Variants in MYO3B observed in about 807,000 individuals in gnomAD.
The protein encoded by MYO3B is myosin IIIB.
Under a neutral mutation model 174.6 loss-of-function variants are expected in MYO3B, and 156 were observed. The ratio of observed to expected loss-of-function variants is 0.89; its 90% CI spans 0.78 to 1.02. The LOEUF is 1.02. Among genes scored for constraint, MYO3B ranks in the 50% least tolerant of loss-of-function variants. MYO3B has a pLI of 0.00. For missense variants in MYO3B, 1,632 were observed against 1,639.4 expected (o/e 1.00, Z 0.08); for synonymous variants, 563 against 569.1 (o/e 0.99, Z 0.15).
At chr2:170,279,591 T>A (rs187198688) in intron 7 of MYO3B, among the ~76,000 whole-genome samples, 1 of 152,148 alleles carries the variant, frequency 6.6e-6, no homozygotes, top group Admixed American at 6.6e-5. Context: ...CCAATAGTTA[T>A]CTTTTCTGCT....
intron 7 of MYO3B, among the ~76,000 whole-genome samples, chr2:170,263,816 A>G (rs2093362648): frequency 6.6e-6 from 1 of 151,994 alleles, no homozygotes; most frequent in Admixed American, 6.6e-5. Flanking sequence ...AACTGCAAAG[A>G]GGCCTTCCTC....
At chr2:170,518,027 T>C (rs1688433577) in intron 29 of MYO3B, among the ~76,000 whole-genome samples, 1 of 151,950 alleles carries the variant, frequency 6.6e-6, no homozygotes, top group Admixed American at 6.6e-5. Flanking sequence ...TAATAAAAAT[T>C]GTATTAATGT....
intron 22 of MYO3B, among the ~76,000 whole-genome samples, chr2:170,417,804 A>T (rs1478398959): frequency 6.6e-6 from 1 of 152,238 alleles, no homozygotes; most frequent in Non-Finnish European, 1.5e-5. Flanking sequence ...CTACTCCAGT[A>T]TGACCTCATC....
In MYO3B at chr2:170,629,673, A is replaced by G. The variant is rs1218707789; in HGVS notation, c.3734-21955A>G. ...AAGACCAGCCTGGGCAACATGGTGA[A>G]ACTCCATCTCTACTAAAATACAAAA... On this transcript the variant is annotated intron_variant, in intron 32 of 34. Transcript: ENST00000408978. 5.3e-5 allele frequency among the ~76,000 whole-genome samples: 8 copies of G among 152,206 alleles called. No homozygotes were observed. The East Asian group carries it at 1.4e-3, about 26-fold the overall frequency.
chr2:170,469,152 G>A (rs923689416), intron 25 of MYO3B, among the ~76,000 whole-genome samples: 3 of 152,098 alleles, frequency 2.0e-5, no homozygotes, highest in African/African-American at 7.2e-5. Context: ...ATAAAGAATA[G>A]GGCTGAGTCT....
intron 7 of MYO3B, among the ~76,000 whole-genome samples, chr2:170,306,499 T>G (rs1026272470): frequency 5.9e-5 from 9 of 152,194 alleles, no homozygotes; most frequent in African/African-American, 1.9e-4. Flanking sequence ...TGAGTGTGTG[T>G]GGGTGATGAT....
At chr2:170,493,993 G>A (rs115444011) in intron 25 of MYO3B, among the ~76,000 whole-genome samples, 1,630 of 152,334 alleles carry the variant, frequency 0.011, 22 homozygotes, top group African/African-American at 0.036. Context: ...AATCTCATGA[G>A]AGACCCTGGG....
intron 32 of MYO3B, among the ~76,000 whole-genome samples, chr2:170,649,118 TATA>T (rs1423127904): frequency 1.4e-5 from 1 of 70,398 alleles, no homozygotes; most frequent in Non-Finnish European, 2.3e-5. Flanking sequence ...TAAAATAATA[TATA>T]ATGTATATAA....
At position 170,654,560 on chromosome 2, in the gene MYO3B, A is replaced by G. The variant is rs1361764769; in HGVS notation, c.*1439A>G. The G allele has an allele frequency of 1.3e-5, 2 of 151,596 alleles. No individual in the cohort carries two copies. The highest frequency in any genetic ancestry group is 3.9e-4 in the East Asian group (2 of 5,168). The allele number at this position is 151,596 out of a possible 1,614,324, so 9.4% of individuals were successfully genotyped here. Reference sequence around the variant, plus strand: ...CTACTCAGGAGGCTGACGCAGGAGAATCACTTGAACCCGGGAAGCAAAGGT... The same window carrying G: ...CTACTCAGGAGGCTGACGCAGGAGAGTCACTTGAACCCGGGAAGCAAAGGT... On this transcript the variant is annotated 3_prime_UTR_variant, in exon 35 of 35. Transcript: ENST00000408978.
intron 1 of MYO3B, among the ~76,000 whole-genome samples, chr2:170,187,368 G>A (rs968776511): frequency 1.2e-4 from 19 of 152,140 alleles, no homozygotes; most frequent in African/African-American, 4.6e-4. Flanking sequence ...GAGTAGCTGG[G>A]ATTACAGGTG....
At chr2:170,262,640 C>A (rs2093353881) in intron 7 of MYO3B, among the ~76,000 whole-genome samples, 1 of 152,174 alleles carries the variant, frequency 6.6e-6, no homozygotes, top group Non-Finnish European at 1.5e-5. Flanking sequence ...GAAATCAAAG[C>A]TGATCCTTGT....
At chr2:170,461,395 C>T (rs1238063829) in intron 23 of MYO3B, among the ~76,000 whole-genome samples, 6 of 149,800 alleles carry the variant, frequency 4.0e-5, no homozygotes, top group Non-Finnish European at 8.9e-5. Flanking sequence ...AACACTTCAA[C>T]CCCAGAGGTG....
At chr2:170,211,313 T>C (rs763220262) in intron 3 of MYO3B, among the ~76,000 whole-genome samples, 1 of 152,176 alleles carries the variant, frequency 6.6e-6, no homozygotes, top group Non-Finnish European at 1.5e-5. Context: ...TAAAGGCCTT[T>C]TAAATAAACC....
chr2:170,396,214 A>G (rs1225887470), intron 16 of MYO3B, among the ~76,000 whole-genome samples: 2 of 152,252 alleles, frequency 1.3e-5, no homozygotes, highest in African/African-American at 4.8e-5. Context: ...CAGAGATGCC[A>G]GGAAAGGCTC....
intron 32 of MYO3B, among the ~76,000 whole-genome samples, chr2:170,621,234 CACAT>C (rs1695891223): frequency 6.6e-6 from 1 of 152,096 alleles, no homozygotes; most frequent in Non-Finnish European, 1.5e-5. Context: ...CAACAGTTGT[CACAT>C]ATGTATAGAA....
intron 32 of MYO3B, among the ~76,000 whole-genome samples, chr2:170,570,062 G>C (rs1020154200): frequency 1.3e-5 from 2 of 152,142 alleles, no homozygotes; most frequent in Non-Finnish European, 2.9e-5. Flanking sequence ...TTAACTAGAA[G>C]AGGGTTAAGG....
intron 7 of MYO3B, among the ~76,000 whole-genome samples, chr2:170,263,606 C>T (rs1423282772): frequency 6.6e-6 from 1 of 152,082 alleles, no homozygotes; most frequent in Non-Finnish European, 1.5e-5. Context: ...TTGATGTGCA[C>T]ATACATAAAC....
intron 28 of MYO3B, among the ~76,000 whole-genome samples, chr2:170,510,741 C>T (rs902054197): frequency 5.3e-5 from 8 of 151,826 alleles, no homozygotes; most frequent in Non-Finnish European, 1.0e-4. Context: ...TCACCCTCAG[C>T]CCCTGATAAC....
chr2:170,474,244 A>T (rs1395110593), intron 25 of MYO3B, among the ~76,000 whole-genome samples: 1 of 152,078 alleles, frequency 6.6e-6, no homozygotes, highest in Non-Finnish European at 1.5e-5. Flanking sequence ...TAGCAGCAAG[A>T]GAGTTTCTGA....
Sources: allele counts gnomAD v4.1 joint callset (sites outside exome capture counted in the v4.1 genomes callset), GRCh38; gene constraint gnomAD v4.1.1; transcripts MANE v1.5; gene names NCBI Gene and HGNC (gene_info 2026-07-23, HGNC 2026-07-21).